ADAMTS15: variants seen among roughly 807,000 people sequenced by gnomAD.
The protein encoded by ADAMTS15 is ADAM metallopeptidase with thrombospondin type 1 motif 15.
A neutral mutation model predicts 79.1 loss-of-function variants in ADAMTS15; 35 were observed. The ratio of observed to expected loss-of-function variants is 0.44; its 90% CI spans 0.34 to 0.59. ADAMTS15 has a LOEUF of 0.59. Among genes scored for constraint, ADAMTS15 ranks in the 20% least tolerant of loss-of-function variants. The probability of loss-of-function intolerance (pLI) is 0.02; values close to 1 mark genes in which losing one functional copy is unlikely to be tolerated. For synonymous variants in ADAMTS15, 616 were observed against 567.3 expected, an observed-to-expected ratio of 1.09 and a Z score of -1.22; for missense variants, 1,324 against 1,318.7, an observed-to-expected ratio of 1.00 and a Z score of -0.06.
chr11:130,459,403 C>T (rs371018820), intron 1 of ADAMTS15, among the ~76,000 whole-genome samples: 2 of 152,056 alleles, frequency 1.3e-5, no homozygotes, highest in South Asian at 4.1e-4. Flanking sequence ...TAGACTTAAG[C>T]GATCTGCCTG....
rs959311400 is a variant in ADAMTS15 at position 130,449,526 on chromosome 11, C to G, written c.553C>G (p.Leu185Val). 1 of 1,562,360 alleles carries G rather than the reference C, an allele frequency of 6.4e-7. No individual in the cohort carries two copies. Among genetic ancestry groups the G allele is most frequent in the Middle Eastern group, 1.7e-4 (1 of 5,816 alleles). Residue 185 changes from leucine to valine, a missense_variant, in exon 1 of 8, where the codon CTA becomes GTA. Leu to Val is a conservative substitution (Grantham distance 32). Coordinates refer to ENST00000299164, the MANE Select transcript of ADAMTS15 (RefSeq NM_139055.4). This position sits in a 1 kb window ranked among gnomAD's most constrained non-coding sequence, Gnocchi z 7.8. ...GVASGWNPAI[L>V]RALDPYKPRR... is the part of the protein sequence containing the mutation. ...GGCCTCGGGCTGGAACCCCGCCATC[C>G]TACGGGCCCTGGACCCTTACAAGCC...
chr11:130,455,632 G>A (rs1938060430), intron 1 of ADAMTS15, among the ~76,000 whole-genome samples: 1 of 152,232 alleles, frequency 6.6e-6, no homozygotes, highest in Non-Finnish European at 1.5e-5. Context: ...GGTTGGGAGA[G>A]GGAGTCTTAG....
chr11:130,466,611 T>C (rs1938304467), intron 4 of ADAMTS15, among the ~76,000 whole-genome samples: 2 of 152,172 alleles, frequency 1.3e-5, no homozygotes, highest in East Asian at 3.9e-4. Flanking sequence ...CACCACCCCC[T>C]GTCCCCTGGA....
At chr11:130,470,183 T>TATATACACAC (rs1565397829) in intron 5 of ADAMTS15, among the ~76,000 whole-genome samples, 2 of 39,850 alleles carry the variant, frequency 5.0e-5, no homozygotes, top group Non-Finnish European at 4.8e-5. Flanking sequence ...TATATATATG[T>TATATACACAC]GTGTATATAT....
intron 1 of ADAMTS15, among the ~76,000 whole-genome samples, chr11:130,455,941 G>A (rs940350054): frequency 1.6e-4 from 25 of 152,208 alleles, no homozygotes; most frequent in Non-Finnish European, 2.9e-5. Context: ...TACAGGGCGA[G>A]GCCTTCCATT....
chr11:130,465,976 G>A (rs986964821), intron 4 of ADAMTS15, among the ~76,000 whole-genome samples: 1 of 151,368 alleles, frequency 6.6e-6, no homozygotes, highest in Admixed American at 6.6e-5. Context: ...GGGTTCAAGC[G>A]ATTCTCCTGC....
chr11:130,453,194 G>C (rs1170105219), intron 1 of ADAMTS15, among the ~76,000 whole-genome samples: 2 of 152,080 alleles, frequency 1.3e-5, no homozygotes, highest in African/African-American at 4.8e-5. Context: ...GGCTGGGGAG[G>C]GGAGCTTGTT....
chr11:130,473,209 G>A lies in ADAMTS15; in HGVS notation c.2241G>A (p.Glu747=), dbSNP rs369271185. ...LNGHFVVSAV[E]RDLVVKGSLL... is the part of the protein sequence containing the mutation. Reference sequence around the variant, plus strand: ...GGCATTTCGTGGTGTCGGCGGTGGAGCGGGACCTGGTGGTGAAGGGCAGTC... The same window carrying A: ...GGCATTTCGTGGTGTCGGCGGTGGAACGGGACCTGGTGGTGAAGGGCAGTC... The change falls in exon 8 of 8, where the codon GAG becomes GAA. Residue 747 remains glutamate (E), a synonymous_variant. Coordinates refer to ENST00000299164, the MANE Select transcript of ADAMTS15 (RefSeq NM_139055.4). The A allele has an allele frequency of 2.0e-5, 32 of 1,613,984 alleles. No individual in the cohort carries two copies. The highest frequency in any genetic ancestry group is 3.3e-5 in the Admixed American group (2 of 60,034).
rs754451064 is a variant in ADAMTS15 at position 130,473,249 on chromosome 11, G to A, written c.2281G>A (p.Gly761Ser). The A allele has an allele frequency of 1.9e-6, 3 of 1,613,582 alleles. No individual in the cohort carries two copies. The highest frequency in any genetic ancestry group is 1.7e-6 in the Non-Finnish European group (2 of 1,180,030). ...GAAGGGCAGTCTGCTGCGGTACAGCGGCACGGGCACAGCGGTGGAGAGCCT... is the reference window on the plus strand; with the variant it reads ...GAAGGGCAGTCTGCTGCGGTACAGCAGCACGGGCACAGCGGTGGAGAGCCT... ...VVKGSLLRYS[G>S]TGTAVESLQA... The change falls in exon 8 of 8, where the codon GGC becomes AGC. Residue 761 changes from glycine to serine, a missense_variant. Coordinates refer to ENST00000299164, the MANE Select transcript of ADAMTS15 (RefSeq NM_139055.4).
rs778358616 is a variant in ADAMTS15 at position 130,471,274 on chromosome 11, G to C, written c.1969G>C (p.Ala657Pro). 6.2e-7 allele frequency: 1 copy of C among 1,613,198 alleles called. No individual in the cohort carries two copies. Among genetic ancestry groups the C allele is most frequent in the Admixed American group, 1.7e-5 (1 of 59,724 alleles). ...SVCVQGKCIKAGCDGNLGSKK... is the reference protein window; with the variant it reads ...SVCVQGKCIKPGCDGNLGSKK... ...CTGTGTCCAAGGCAAGTGCATCAAG[G>C]CTGGCTGTGATGGGAACCTGGGCTC... Residue 657 changes from alanine to proline, a missense_variant, in exon 7 of 8, where the codon GCT (alanine) becomes CCT (proline). Coordinates refer to ENST00000299164, the MANE Select transcript of ADAMTS15 (RefSeq NM_139055.4).
chr11:130,470,180 A>ACG (rs1938413351), intron 5 of ADAMTS15, among the ~76,000 whole-genome samples: 2 of 44,796 alleles, frequency 4.5e-5, no homozygotes, highest in African/African-American at 1.2e-4. Context: ...ATATATATAT[A>ACG]TGTGTGTATA....
chr11:130,470,124 A>ATATACATATATATATATATATGTG (rs1565397447), intron 5 of ADAMTS15, among the ~76,000 whole-genome samples: 1 of 94,416 alleles, frequency 1.1e-5, no homozygotes. Flanking sequence ...TGAATCATAT[A>ATATACATATATATATATATATGTG]TATATATACA....
At position 130,449,905 on chromosome 11, in the gene ADAMTS15, A is replaced by T; in HGVS notation, c.932A>T (p.Asp311Val). 1 of 1,600,188 alleles carries T rather than the reference A, an allele frequency of 6.2e-7. No individual in the cohort carries two copies. The highest frequency in any genetic ancestry group is 8.5e-7 in the Non-Finnish European group (1 of 1,179,876). ...KVSDKHPEYWDTAILFTRQDL... is the reference protein window; with the variant it reads ...KVSDKHPEYWVTAILFTRQDL... ...AGTGACAAGCACCCCGAGTACTGGG[A>T]CACTGCCATCCTCTTCACCAGGCAG... is the stretch of plus-strand genomic sequence containing the variant. Residue 311 changes from aspartate (D) to valine (V), a missense_variant, in exon 1 of 8, where the codon GAC becomes GTC. Coordinates refer to ENST00000299164, the MANE Select transcript of ADAMTS15 (RefSeq NM_139055.4). The surrounding 1 kb of genome is among the most constrained non-coding windows in gnomAD (Gnocchi z 7.8).
rs1311282150 is a variant in ADAMTS15, at chr11:130,469,263, T to C, written c.1544T>C (p.Val515Ala). 1 of 1,396,760 alleles carries C rather than the reference T, an allele frequency of 7.2e-7. No individual in the cohort carries two copies. Among genetic ancestry groups the C allele is most frequent in the Non-Finnish European group, 9.3e-7 (1 of 1,071,134 alleles). 86.5% of individuals were successfully genotyped at this position (1,396,760 alleles called of 1,614,324 possible). ...AATATAACAGGCTCTTCCTCACAGG[T>C]GGATGGTTCCTGGGCCAAATGGGAT... The part of the protein sequence containing the change: ...VERHNLNKHR[V>A]DGSWAKWDPY... Residue 515 changes from valine (V) to alanine (A), a missense_variant and splice_region_variant, in exon 5 of 8, where the codon GTG (valine) becomes GCG (alanine). Physicochemically the swap from Val to Ala is moderately conservative, Grantham distance 64. Coordinates refer to ENST00000299164, the MANE Select transcript of ADAMTS15 (RefSeq NM_139055.4).
intron 5 of ADAMTS15, among the ~76,000 whole-genome samples, chr11:130,470,655 T>G (rs1466775411): frequency 6.6e-5 from 10 of 152,228 alleles, no homozygotes; most frequent in Non-Finnish European, 1.5e-4. Flanking sequence ...GTTACATTAT[T>G]CTGAAAATAG....
intron 1 of ADAMTS15, among the ~76,000 whole-genome samples, chr11:130,458,207 G>A (rs911277110): frequency 1.1e-4 from 17 of 152,174 alleles, no homozygotes; most frequent in South Asian, 4.2e-4. Flanking sequence ...CTGGTCTAGC[G>A]GTTTCTTTCT....
chr11:130,455,893 C>A (rs1334142100), intron 1 of ADAMTS15, among the ~76,000 whole-genome samples: 2 of 152,178 alleles, frequency 1.3e-5, no homozygotes, highest in Admixed American at 6.5e-5. Context: ...TCTCCCCAGG[C>A]CTCTCCCCAC....
At chr11:130,456,507 C>T (rs191313641) in intron 1 of ADAMTS15, among the ~76,000 whole-genome samples, 3 of 152,332 alleles carry the variant, frequency 2.0e-5, no homozygotes, top group Admixed American at 2.0e-4. Context: ...TCTAGCAAAG[C>T]AAGGCCCTCC....
At position 130,473,086 on chromosome 11, in the gene ADAMTS15, C is replaced by T; in HGVS notation, c.2118C>T (p.Ala706=). 7 of 1,613,920 alleles carry T rather than the reference C, an allele frequency of 4.3e-6. No homozygotes were observed. The highest frequency in any genetic ancestry group is 5.9e-6 in the Non-Finnish European group (7 of 1,180,040). Residue 706 remains alanine, a synonymous_variant, in exon 8 of 8, where the codon GCC becomes GCT. Transcript: ENST00000299164. ...TCGTGGTGGCCATCCCCGCAGGCGC[C>T]TCAAGCATCGACATCCGCCAGCGCG... ...YNFVVAIPAG[A]SSIDIRQRGY...
Sources: gnomAD v4.1 joint callset for allele counts (sites outside exome capture counted in the v4.1 genomes callset) on GRCh38, gnomAD v4.1.1 for gene constraint, Gnocchi (gnomAD v3.1) non-coding constraint, MANE v1.5 for transcripts, NCBI Gene and HGNC (gene_info 2026-07-23, HGNC 2026-07-21) for gene names.